The following FILIP1 variants were observed in gnomAD, a reference collection of about 807,000 sequenced individuals.
FILIP1 encodes filamin A interacting protein 1.
In FILIP1, 61 loss-of-function variants were observed where a neutral mutation model predicts 102.1. The ratio of observed to expected loss-of-function variants is 0.60; its 90% CI spans 0.49 to 0.74. FILIP1 has a LOEUF of 0.74. FILIP1 is among the 30% of genes least tolerant of loss of function. The probability of loss-of-function intolerance (pLI) is 0.00; values close to 1 mark genes in which losing one functional copy is unlikely to be tolerated. For missense variants in FILIP1, 1,314 were observed against 1,441.2 expected (o/e 0.91, Z 1.43); for synonymous variants, 491 against 526.9 (o/e 0.93, Z 0.93).
At chr6:75,317,513 C>A (rs553909727) in intron 4 of FILIP1, among the ~76,000 whole-genome samples, 201 of 152,210 alleles carry the variant, frequency 1.3e-3, no homozygotes, top group African/African-American at 4.7e-3. Context: ...CTATATTTAA[C>A]CAATAAATAT....
intron 1 of FILIP1, among the ~76,000 whole-genome samples, chr6:75,490,838 G>T (rs1433464506): frequency 6.6e-6 from 1 of 152,084 alleles, no homozygotes; most frequent in Non-Finnish European, 1.5e-5. Context: ...AATTTCTGAA[G>T]TAAAAAACTA....
At chr6:75,303,752 GGA>G (rs137957853), downstream of FILIP1, among the ~76,000 whole-genome samples, 61 of 147,498 alleles carry the variant, frequency 4.1e-4, no homozygotes, top group Non-Finnish European at 6.0e-4. Context: ...AGAGAAAGAG[GGA>G]GAGAGAGAGA....
chr6:75,469,205 T>C (rs1779262249), intron 1 of FILIP1, among the ~76,000 whole-genome samples: 1 of 152,018 alleles, frequency 6.6e-6, no homozygotes. Flanking sequence ...TGGAAGGGAA[T>C]TGAAATGGGA....
intron 2 of FILIP1, among the ~76,000 whole-genome samples, chr6:75,407,297 C>T (rs1161767742): frequency 6.6e-6 from 1 of 152,076 alleles, no homozygotes; most frequent in East Asian, 1.9e-4. Flanking sequence ...ACAATCTCGG[C>T]TTACTGCAAG....
At chr6:75,488,947 A>G (rs954196882) in intron 1 of FILIP1, among the ~76,000 whole-genome samples, 1 of 152,182 alleles carries the variant, frequency 6.6e-6, no homozygotes, top group Admixed American at 6.6e-5. Context: ...ATTTCCATTT[A>G]GTAAAGTTAA....
chr6:75,360,353 A>T (rs1371269279), intron 3 of FILIP1, among the ~76,000 whole-genome samples: 1 of 152,170 alleles, frequency 6.6e-6, no homozygotes, highest in Admixed American at 6.5e-5. Flanking sequence ...TGATAATTGC[A>T]TGTGTCCTAA....
chr6:75,379,448 A>C (rs545880281), intron 2 of FILIP1, among the ~76,000 whole-genome samples: 1 of 152,358 alleles, frequency 6.6e-6, no homozygotes, highest in South Asian at 2.1e-4. Context: ...TCTATCATTG[A>C]ATTTCAGACT....
intron 2 of FILIP1, among the ~76,000 whole-genome samples, chr6:75,405,823 G>A (rs1285401175): frequency 6.6e-6 from 1 of 152,326 alleles, no homozygotes; most frequent in East Asian, 1.9e-4. Flanking sequence ...ATCGGAATGA[G>A]TCGGGGTGGA....
chr6:75,487,300 A>T (rs1173845102), intron 1 of FILIP1, among the ~76,000 whole-genome samples: 2 of 152,120 alleles, frequency 1.3e-5, no homozygotes, highest in Admixed American at 6.6e-5. Flanking sequence ...TTTGTTTTCC[A>T]TTAGTGTGTG....
intron 1 of FILIP1, among the ~76,000 whole-genome samples, chr6:75,488,086 A>G (rs561061947): frequency 6.6e-6 from 1 of 152,228 alleles, no homozygotes; most frequent in East Asian, 1.9e-4. Flanking sequence ...AAATCACCCA[A>G]TATTATGCAC....
intron 4 of FILIP1, among the ~76,000 whole-genome samples, chr6:75,322,278 C>G (rs1475046652): frequency 6.6e-6 from 1 of 151,972 alleles, no homozygotes; most frequent in Admixed American, 6.6e-5. Context: ...TTAATTTGCT[C>G]TACATTACTG....
chr6:75,383,772 A>G (rs1182248479), intron 2 of FILIP1, among the ~76,000 whole-genome samples: 1 of 152,202 alleles, frequency 6.6e-6, no homozygotes, highest in East Asian at 1.9e-4. Flanking sequence ...CACTATTATT[A>G]TCACCATTTT....
chr6:75,480,263 A>ACATTTTTATAGTATTAAACATGTACAC (rs1779611973), intron 1 of FILIP1, among the ~76,000 whole-genome samples: 1 of 147,754 alleles, frequency 6.8e-6, no homozygotes, highest in African/African-American at 2.5e-5. Context: ...TTATAATACT[A>ACATTTTTATAGTATTAAACATGTACAC]CATTTTTATA....
intron 4 of FILIP1, among the ~76,000 whole-genome samples, chr6:75,315,832 A>G (rs2149553706): frequency 6.6e-6 from 1 of 152,354 alleles, no homozygotes; most frequent in South Asian, 2.1e-4. Flanking sequence ...AATTTACTTT[A>G]AATGATGGTA....
chr6:75,412,541 G>A (rs1777114853), intron 2 of FILIP1, among the ~76,000 whole-genome samples: 1 of 151,826 alleles, frequency 6.6e-6, no homozygotes, highest in African/African-American at 2.4e-5. Context: ...CAGTATGATG[G>A]CTGATAACTT....
intron 2 of FILIP1, among the ~76,000 whole-genome samples, chr6:75,365,537 C>T (rs1320559570): frequency 1.3e-5 from 2 of 152,148 alleles, no homozygotes; most frequent in Non-Finnish European, 1.5e-5. Context: ...CAGGCACATG[C>T]CGCCTCGCCT....
chr6:75,485,813 T>A (rs1366918490), intron 1 of FILIP1, among the ~76,000 whole-genome samples: 1 of 152,166 alleles, frequency 6.6e-6, no homozygotes, highest in Non-Finnish European at 1.5e-5. Context: ...CAATTTTTCT[T>A]AAACTACAGC....
chr6:75,368,108 C>T (rs942355902), intron 2 of FILIP1, among the ~76,000 whole-genome samples: 1 of 152,232 alleles, frequency 6.6e-6, no homozygotes, highest in Non-Finnish European at 1.5e-5. Context: ...TCACACCATT[C>T]TCTTCCATCA....
At chr6:75,442,057 G>A (rs1778274893) in intron 1 of FILIP1, among the ~76,000 whole-genome samples, 1 of 151,764 alleles carries the variant, frequency 6.6e-6, no homozygotes, top group African/African-American at 2.4e-5. Flanking sequence ...GCCGGGTGGA[G>A]GGGCTCCTCA....
Sources: gnomAD v4.1 joint callset for allele counts (sites outside exome capture counted in the v4.1 genomes callset) on GRCh38, gnomAD v4.1.1 for gene constraint, MANE v1.5 for transcripts, NCBI Gene and HGNC (gene_info 2026-07-23, HGNC 2026-07-21) for gene names.